Variants in NUCKS1 observed in about 807,000 individuals in gnomAD.
NUCKS1 encodes nuclear ubiquitous casein and cyclin-dependent kinase substrate 1.
In NUCKS1, 2 loss-of-function variants were observed where a neutral mutation model predicts 33.0. That is an observed-to-expected ratio of 0.06 (90% CI 0.02 to 0.19). The LOEUF (loss-of-function observed/expected upper bound fraction) is 0.19. Among genes scored for constraint, NUCKS1 ranks in the 10% least tolerant of loss-of-function variants. The pLI is 1.00. For missense variants in NUCKS1, 201 were observed against 293.6 expected (o/e 0.68, Z 2.31); for synonymous variants, 106 against 102.8 (o/e 1.03, Z -0.19).
intron 2 of NUCKS1, among the ~76,000 whole-genome samples, chr1:205,728,085 A>G (rs1341714403): frequency 4.6e-5 from 7 of 152,100 alleles, no homozygotes; most frequent in Non-Finnish European, 8.8e-5. Context: ...TTTGATTTCA[A>G]CATCTTCACA....
chr1:205,737,501 T>C (rs930083524), intron 1 of NUCKS1, among the ~76,000 whole-genome samples: 2 of 152,200 alleles, frequency 1.3e-5, no homozygotes, highest in African/African-American at 2.4e-5. Context: ...ATCTATTTAT[T>C]TGTCAGCCCT....
chr1:205,717,743 A>T lies in NUCKS1; in HGVS notation c.*537T>A. The T allele has an allele frequency of 1.0e-6, 1 of 985,206 alleles. No individual in the cohort carries two copies. The highest frequency in any genetic ancestry group is 1.2e-6 in the Non-Finnish European group (1 of 829,770). 61.0% of individuals were successfully genotyped at this position (985,206 alleles called of 1,614,324 possible). A position where few individuals can be genotyped will look rare whatever the true frequency, so the allele number is the denominator to read the frequency against. ...TTTAAAGTCATGATTTTTTTTAGAC[A>T]TTGATACTTGTGTCTATAGACAAAT... is the stretch of plus-strand genomic sequence containing the variant. On this transcript the variant is annotated 3_prime_UTR_variant, in exon 7 of 7. Coordinates refer to ENST00000367142, the MANE Select transcript of NUCKS1 (RefSeq NM_022731.5).
At chr1:205,722,583 G>C (rs535639607) in intron 4 of NUCKS1, among the ~76,000 whole-genome samples, 44 of 152,264 alleles carry the variant, frequency 2.9e-4, no homozygotes, top group African/African-American at 9.6e-4. Context: ...GATAGAGACA[G>C]GGTTTTGCCA....
intron 1 of NUCKS1, among the ~76,000 whole-genome samples, chr1:205,747,524 T>C (rs1411911654): frequency 6.6e-6 from 1 of 152,144 alleles, no homozygotes; most frequent in Non-Finnish European, 1.5e-5. Context: ...GATGCTAAGG[T>C]GCCATAGGTA....
At position 205,729,630 on chromosome 1, in the gene NUCKS1, A is replaced by G. The variant is rs2102436843; in HGVS notation, c.18-9T>C. 1 of 1,586,106 alleles carries G rather than the reference A, an allele frequency of 6.3e-7. No homozygotes were observed. The highest frequency in any genetic ancestry group is 2.2e-5 in the East Asian group (1 of 44,740). On this transcript the variant is annotated splice_polypyrimidine_tract_variant and intron_variant, in intron 1 of 6. Transcript: ENST00000367142. ...CAACAACCTTCCTATTTCTGTAGAA[A>G]GAAGAGACTCTAATTAAAATCATAA... is the stretch of plus-strand genomic sequence containing the variant.
intron 6 of NUCKS1, among the ~76,000 whole-genome samples, chr1:205,719,317 A>G (rs1393623959): frequency 1.3e-5 from 2 of 152,232 alleles, no homozygotes; most frequent in African/African-American, 4.8e-5. Context: ...GTTGAAGAAC[A>G]TGGCTAAGCC....
chr1:205,744,115 TC>T (rs1341045480), intron 1 of NUCKS1, among the ~76,000 whole-genome samples: 1 of 152,158 alleles, frequency 6.6e-6, no homozygotes, highest in Non-Finnish European at 1.5e-5. Context: ...AAATTAGGCC[TC>T]CCCACAACAA....
chr1:205,736,545 C>T (rs566495890), intron 1 of NUCKS1, among the ~76,000 whole-genome samples: 3 of 152,004 alleles, frequency 2.0e-5, no homozygotes, highest in Admixed American at 1.3e-4. Flanking sequence ...CCAGTAATTG[C>T]CAGGTGTGGT....
intron 1 of NUCKS1, among the ~76,000 whole-genome samples, chr1:205,731,020 TAC>T (rs1653897906): frequency 6.6e-6 from 1 of 152,200 alleles, no homozygotes; most frequent in Non-Finnish European, 1.5e-5. Flanking sequence ...TTAGGTATAG[TAC>T]AGTTACATTA....
chr1:205,721,339 G>T (rs1218561935), intron 4 of NUCKS1, among the ~76,000 whole-genome samples: 2 of 151,784 alleles, frequency 1.3e-5, no homozygotes, highest in African/African-American at 2.4e-5. Flanking sequence ...AATGAACTTG[G>T]ACAAGACTAT....
intron 2 of NUCKS1, among the ~76,000 whole-genome samples, chr1:205,728,761 T>C (rs1653836317): frequency 6.6e-6 from 1 of 152,194 alleles, no homozygotes; most frequent in Admixed American, 6.5e-5. Flanking sequence ...AAAAAACCTC[T>C]TATGGCTAAG....
intron 1 of NUCKS1, among the ~76,000 whole-genome samples, chr1:205,746,476 C>T (rs1654335091): frequency 1.4e-5 from 2 of 146,562 alleles, no homozygotes; most frequent in South Asian, 4.3e-4. Flanking sequence ...CACACACACA[C>T]ACACACACAC....
intron 1 of NUCKS1, chr1:205,731,443 T>C (rs1267186742): frequency 6.6e-6 from 1 of 152,226 alleles, no homozygotes; most frequent in Non-Finnish European, 1.5e-5. Context: ...ATTTTTGTAC[T>C]CTGCACTCTA....
chr1:205,714,790 A>T lies in NUCKS1; in HGVS notation c.*3490T>A, dbSNP rs1174804640. On this transcript the variant is annotated 3_prime_UTR_variant, in exon 7 of 7. Coordinates refer to ENST00000367142, the MANE Select transcript of NUCKS1 (RefSeq NM_022731.5). ...GTTTAAGCATCTCAGTCTAAATGCCATGAAGACCAGAGCCCAGGTTTCTTC... is the reference window on the plus strand; with the variant it reads ...GTTTAAGCATCTCAGTCTAAATGCCTTGAAGACCAGAGCCCAGGTTTCTTC... 6.6e-6 allele frequency: 1 copy of T among 152,234 alleles called. No homozygotes were observed. The highest frequency in any genetic ancestry group is 1.5e-5 in the Non-Finnish European group (1 of 68,042). The allele number at this position is 152,234 out of a possible 1,614,324, so 9.4% of individuals were successfully genotyped here. A position where few individuals can be genotyped will look rare whatever the true frequency, so the allele number is the denominator to read the frequency against.
chr1:205,716,939 TAA>T lies in NUCKS1; in HGVS notation c.*1339_*1340del, dbSNP rs1438937771. ...GCAGTAAAGCAGGGGTTGGACCAAA[TAA>T]AAAGACAAGAGCTAACTGAATTGTA... On this transcript the variant is annotated 3_prime_UTR_variant, in exon 7 of 7. Transcript: ENST00000367142. 1 of 152,090 alleles carries T rather than the reference TAA, an allele frequency of 6.6e-6. No individual in the cohort carries two copies. The highest frequency in any genetic ancestry group is 1.5e-5 in the Non-Finnish European group (1 of 68,018). 9.4% of individuals were successfully genotyped at this position (152,090 alleles called of 1,614,324 possible).
chr1:205,722,253 T>C (rs1671931675), intron 4 of NUCKS1, among the ~76,000 whole-genome samples: 2 of 151,982 alleles, frequency 1.3e-5, no homozygotes, highest in South Asian at 4.2e-4. Context: ...TTTCTTGTTG[T>C]TGTTTGCTTG....
chr1:205,736,582 T>C (rs1654039880), intron 1 of NUCKS1, among the ~76,000 whole-genome samples: 1 of 152,002 alleles, frequency 6.6e-6, no homozygotes, highest in African/African-American at 2.4e-5. Context: ...CCCAGCACTT[T>C]GAGAGGCCGA....
chr1:205,719,128 T>C (rs1382987748), intron 6 of NUCKS1, among the ~76,000 whole-genome samples: 1 of 152,224 alleles, frequency 6.6e-6, no homozygotes, highest in African/African-American at 2.4e-5. Flanking sequence ...GTTCAGAACG[T>C]GGAACTTAAA....
At chr1:205,749,596 A>C (rs1241767199) in intron 1 of NUCKS1, among the ~76,000 whole-genome samples, 13 of 151,868 alleles carry the variant, frequency 8.6e-5, no homozygotes, top group African/African-American at 2.9e-4. Flanking sequence ...CGCTGGCTCC[A>C]AGGGGACGGC....
Sources: gnomAD v4.1 joint callset for allele counts (sites outside exome capture counted in the v4.1 genomes callset) on GRCh38, gnomAD v4.1.1 for gene constraint, MANE v1.5 for transcripts, NCBI Gene and HGNC (gene_info 2026-07-23, HGNC 2026-07-21) for gene names.